WWOX: variants seen among roughly 807,000 people sequenced by gnomAD.
WWOX encodes the protein WW domain containing oxidoreductase.
Under a neutral mutation model 46.2 loss-of-function variants are expected in WWOX, and 69 were observed. The ratio of observed to expected loss-of-function variants is 1.49; its 90% CI spans 1.23 to 1.82. The LOEUF (loss-of-function observed/expected upper bound fraction) is 1.82. Ranked by LOEUF, WWOX falls within the 40% of genes most tolerant of loss-of-function variation. The pLI, the probability that WWOX is intolerant of heterozygous loss-of-function variation, is 0.00. For synonymous variants in WWOX, 359 were observed against 202.6 expected, an observed-to-expected ratio of 1.77 and a Z score of -6.56; for missense variants, 919 against 542.6, an observed-to-expected ratio of 1.69 and a Z score of -6.89.
In WWOX at chr16:78,111,889, T is replaced by G. The variant is rs143758835; in HGVS notation, c.230+2054T>G. The stretch of plus-strand genomic sequence containing the variant: ...TCGGCTACCTAAAAGGGAAGGGCCC[T>G]CTATCCTGTAATCACGTGACTTGCT... On this transcript the variant is annotated intron_variant, in intron 3 of 8. Coordinates refer to ENST00000566780, the MANE Select transcript of WWOX (RefSeq NM_016373.4). 7.6e-3 allele frequency: 1,275 copies of G among 167,964 alleles called. 8 individuals carry two copies. Among genetic ancestry groups the G allele is most frequent in the South Asian group, 0.014 (92 of 6,704 alleles). The allele number at this position is 167,964 out of a possible 1,614,324, so 10.4% of individuals were successfully genotyped here.
At chr16:79,044,811 C>A (rs978091773) in intron 8 of WWOX, among the ~76,000 whole-genome samples, 5 of 151,758 alleles carry the variant, frequency 3.3e-5, no homozygotes, top group African/African-American at 1.2e-4. Context: ...AAAGTCCAAC[C>A]TCAAGGCCCA....
chr16:79,197,795 G>A (rs888826845), intron 8 of WWOX, among the ~76,000 whole-genome samples: 2 of 152,106 alleles, frequency 1.3e-5, no homozygotes, highest in African/African-American at 4.8e-5. Flanking sequence ...CCATGACGAT[G>A]GGAGGCAGTT....
At chr16:78,159,534 G>T (rs1253469569) in intron 4 of WWOX, among the ~76,000 whole-genome samples, 1 of 152,090 alleles carries the variant, frequency 6.6e-6, no homozygotes, top group Non-Finnish European at 1.5e-5. Flanking sequence ...GAGGTGTGAG[G>T]TGACATCTCA....
chr16:78,233,944 G>A (rs1430473225), intron 5 of WWOX, among the ~76,000 whole-genome samples: 1 of 152,160 alleles, frequency 6.6e-6, no homozygotes, highest in African/African-American at 2.4e-5. Context: ...TGTATCCCCT[G>A]TGTTTGGCCC....
chr16:78,277,652 G>A (rs2079604219), intron 5 of WWOX, among the ~76,000 whole-genome samples: 1 of 152,190 alleles, frequency 6.6e-6, no homozygotes, highest in Admixed American at 6.5e-5. Context: ...GACAGGCGCT[G>A]CTCTCTGGCA....
intron 5 of WWOX, among the ~76,000 whole-genome samples, chr16:78,222,668 A>G (rs1390905155): frequency 6.6e-6 from 1 of 152,148 alleles, no homozygotes; most frequent in East Asian, 1.9e-4. Flanking sequence ...AGGCTGGCCC[A>G]TTGTTACAAG....
At chr16:79,007,066 GGC>G (rs2047205647) in intron 8 of WWOX, among the ~76,000 whole-genome samples, 3 of 152,218 alleles carry the variant, frequency 2.0e-5, no homozygotes, top group Middle Eastern at 3.4e-3. Flanking sequence ...GCCTTCCACA[GGC>G]ACTTTGTCAC....
intron 8 of WWOX, among the ~76,000 whole-genome samples, chr16:78,929,404 A>C (rs891932723): frequency 6.6e-6 from 1 of 152,156 alleles, no homozygotes; most frequent in South Asian, 2.1e-4. Flanking sequence ...ATTTATAAAG[A>C]CATTACTAAA....
At chr16:79,062,547 G>A (rs2048374374) in intron 8 of WWOX, among the ~76,000 whole-genome samples, 1 of 152,100 alleles carries the variant, frequency 6.6e-6, no homozygotes, top group Non-Finnish European at 1.5e-5. Flanking sequence ...TCTTCACCAA[G>A]CACTTAGGAA....
At chr16:78,311,930 C>T (rs1018332002) in intron 5 of WWOX, among the ~76,000 whole-genome samples, 1 of 152,108 alleles carries the variant, frequency 6.6e-6, no homozygotes, top group Non-Finnish European at 1.5e-5. Context: ...CAGGTGTCTT[C>T]AGAGCTGTGT....
intron 8 of WWOX, among the ~76,000 whole-genome samples, chr16:78,653,231 C>T (rs187859022): frequency 1.3e-5 from 2 of 151,936 alleles, no homozygotes; most frequent in Non-Finnish European, 2.9e-5. Flanking sequence ...TAAGATTACA[C>T]CATGTAAATG....
intron 8 of WWOX, among the ~76,000 whole-genome samples, chr16:78,934,627 A>G (rs2151285607): frequency 6.6e-6 from 1 of 151,962 alleles, no homozygotes; most frequent in Non-Finnish European, 1.5e-5. Context: ...ACCCACCACC[A>G]CGCAGGCCTT....
intron 8 of WWOX, among the ~76,000 whole-genome samples, chr16:78,492,809 A>G (rs1378206724): frequency 2.0e-5 from 3 of 152,116 alleles, no homozygotes; most frequent in Non-Finnish European, 4.4e-5. Context: ...CCTTTTGACA[A>G]ATTTCTGGGG....
intron 8 of WWOX, among the ~76,000 whole-genome samples, chr16:78,914,124 T>C (rs1597143146): frequency 6.6e-6 from 1 of 152,114 alleles, no homozygotes; most frequent in Admixed American, 6.6e-5. Context: ...CAGGAGTCTT[T>C]CCTGGCTATC....
intron 8 of WWOX, among the ~76,000 whole-genome samples, chr16:78,933,400 C>G (rs375316288): frequency 4.6e-5 from 7 of 152,218 alleles, no homozygotes; most frequent in South Asian, 2.1e-4. Flanking sequence ...GATTGTGCCA[C>G]TGTACTCTGG....
chr16:78,779,380 C>G (rs1003981047), intron 8 of WWOX, among the ~76,000 whole-genome samples: 4 of 152,132 alleles, frequency 2.6e-5, no homozygotes, highest in East Asian at 1.9e-4. Flanking sequence ...CTCTTGAGCT[C>G]AAGAAATCCT....
intron 8 of WWOX, among the ~76,000 whole-genome samples, chr16:78,575,443 A>G (rs1188854931): frequency 6.6e-6 from 1 of 151,452 alleles, no homozygotes; most frequent in African/African-American, 2.4e-5. Context: ...AGTCTATAAA[A>G]CTCCTGAGGG....
chr16:78,360,542 T>G (rs1005922284), intron 5 of WWOX, among the ~76,000 whole-genome samples: 14 of 137,572 alleles, frequency 1.0e-4, no homozygotes, highest in African/African-American at 4.0e-4. Context: ...CCAAGCGGAG[T>G]GCCACTGCAC....
At chr16:79,062,646 C>T (rs555617375) in intron 8 of WWOX, among the ~76,000 whole-genome samples, 6 of 152,100 alleles carry the variant, frequency 3.9e-5, no homozygotes, top group Admixed American at 3.9e-4. Context: ...AAAGGCTTTT[C>T]TGCAAACCTG....
Sources: gnomAD v4.1 joint callset for allele counts (sites outside exome capture counted in the v4.1 genomes callset) on GRCh38, gnomAD v4.1.1 for gene constraint, MANE v1.5 for transcripts, NCBI Gene and HGNC (gene_info 2026-07-23, HGNC 2026-07-21) for gene names.